Variants in TAC4 observed in about 807,000 individuals in gnomAD.
The protein encoded by TAC4 is tachykinin-4.
In TAC4, 17 loss-of-function variants were observed where a neutral mutation model predicts 17.7. The observed-to-expected ratio is 0.96, with a 90% CI of 0.66 to 1.44. The LOEUF is 1.44. TAC4 is among the 40% of genes most tolerant of loss of function. The pLI is 0.00. For missense variants in TAC4, 118 were observed against 125.6 expected (o/e 0.94, Z 0.29); for synonymous variants, 62 against 52.4 (o/e 1.18, Z -0.79).
At chr17:49,842,529 CA>C (rs200783888) in intron 2 of TAC4, among the ~76,000 whole-genome samples, 41 of 137,462 alleles carry the variant, frequency 3.0e-4, no homozygotes, top group Non-Finnish European at 2.7e-4. Context: ...GACTCCATCT[CA>C]AAAAAAAAAA....
At position 49,841,526 on chromosome 17, in the gene TAC4, T is replaced by G. The variant is rs201897380; in HGVS notation, c.232+26A>C. On this transcript the variant is annotated intron_variant, in intron 3 of 4. Transcript: ENST00000436235. ...ACTCAGCCCTCCCTAGGGGGCATGT[T>G]GAAGGCAGGTTTGGGCAATACTTAC... 291 of 1,564,844 alleles carry G rather than the reference T, an allele frequency of 1.9e-4. No individual in the cohort carries two copies. The African/African-American group carries it at 3.5e-3, about 19-fold the overall frequency.
At chr17:49,841,901 CTT>C (rs1161302297) in intron 2 of TAC4, among the ~76,000 whole-genome samples, 254 of 99,104 alleles carry the variant, frequency 2.6e-3, no homozygotes, top group African/African-American at 9.1e-3. Context: ...GAGATTTAAT[CTT>C]TTTTTTTTTT....
At chr17:49,843,166 C>T (rs763872730) in intron 2 of TAC4, among the ~76,000 whole-genome samples, 3 of 152,178 alleles carry the variant, frequency 2.0e-5, no homozygotes, top group African/African-American at 2.4e-5. Flanking sequence ...CGAACGTGTC[C>T]TCCAAATAGA....
At chr17:49,846,172 A>G in intron 1 of TAC4, 3 of 1,286,038 alleles carry the variant, frequency 2.3e-6, no homozygotes, top group Non-Finnish European at 2.0e-6. Flanking sequence ...GGAGCCCTCC[A>G]TATCCATTTA....
At chr17:49,841,525 T>G in intron 3 of TAC4, 27 bp downstream of exon 3, 1 of 1,564,298 alleles carries the variant, frequency 6.4e-7, no homozygotes. Context: ...AGGGGGCATG[T>G]TGAAGGCAGG....
chr17:49,846,391 C>T, intron 1 of TAC4: 1 of 462,634 alleles, frequency 2.2e-6, no homozygotes, highest in Non-Finnish European at 3.6e-6. Context: ...ATCCTCCCGC[C>T]TCAGCCTTTT....
Position 49,842,889 on chromosome 17 carries a change from TC to T in TAC4, c.199+1174del, listed in dbSNP as rs1460486691. The stretch of plus-strand genomic sequence containing the variant: ...GAATATTGATCTGTAACATGCTTTT[TC>T]CCACTTAACCATGTATCTTGGAGAT... On this transcript the variant is annotated intron_variant, in intron 2 of 4. Transcript: ENST00000436235. Among the ~76,000 whole-genome samples, 10 of 152,376 alleles carry T rather than the reference TC, an allele frequency of 6.6e-5. No homozygotes were observed. The East Asian group carries it at 1.9e-3, about 29-fold the overall frequency.
Position 49,838,505 on chromosome 17 carries a change from G to A in TAC4, c.*137C>T. ...TCCAGGAAGAAGCCCAGTGGGTTCAGTGTGGGCCTTGTGTGAAGTGCCAGC... is the reference window on the plus strand; with the variant it reads ...TCCAGGAAGAAGCCCAGTGGGTTCAATGTGGGCCTTGTGTGAAGTGCCAGC... On this transcript the variant is annotated 3_prime_UTR_variant, in exon 5 of 5. Coordinates refer to ENST00000436235, the MANE Select transcript of TAC4 (RefSeq NM_001077506.2). 3 of 1,039,670 alleles carry A rather than the reference G, an allele frequency of 2.9e-6. No homozygotes were observed. Among genetic ancestry groups the A allele is most frequent in the East Asian group, 2.4e-5 (1 of 41,216 alleles). 64.4% of individuals were successfully genotyped at this position (1,039,670 alleles called of 1,614,324 possible). A position where few individuals can be genotyped will look rare whatever the true frequency, so the allele number is the denominator to read the frequency against.
chr17:49,847,678 CACACACACACACAG>C (rs1051724136), intron 1 of TAC4: 7 of 510,188 alleles, frequency 1.4e-5, no homozygotes, highest in East Asian at 3.6e-5. Flanking sequence ...CTTACACACA[CACACACACACACAG>C]ACACACACAC....
At chr17:49,846,103 G>T in intron 1 of TAC4, 1 of 750,080 alleles carries the variant, frequency 1.3e-6, no homozygotes, top group Non-Finnish European at 1.9e-6. Flanking sequence ...GTGCCTGGTG[G>T]GGGGGCATTC....
chr17:49,843,909 T>G (rs771069237), intron 2 of TAC4, 155 bp downstream of exon 2: 1 of 684,186 alleles, frequency 1.5e-6, no homozygotes, highest in Admixed American at 2.1e-5. Flanking sequence ...TGATAATTCC[T>G]ATGGACAGTC....
intron 3 of TAC4, among the ~76,000 whole-genome samples, chr17:49,840,572 G>A (rs2074489397): frequency 6.6e-6 from 1 of 151,922 alleles, no homozygotes; most frequent in African/African-American, 2.4e-5. Context: ...GCGTGATCTC[G>A]GCTCACTGCA....
At chr17:49,844,893 G>A (rs1041252058) in intron 1 of TAC4, among the ~76,000 whole-genome samples, 1 of 152,210 alleles carries the variant, frequency 6.6e-6, no homozygotes, top group African/African-American at 2.4e-5. Context: ...ATAACTAGTA[G>A]AAACTATGAT....
At chr17:49,847,175 A>T (rs2074548339) in intron 1 of TAC4, 1 of 1,289,842 alleles carries the variant, frequency 7.8e-7, no homozygotes, top group Non-Finnish European at 1.0e-6. Context: ...GAATGGGAGG[A>T]GTCAGGCCCA....
At chr17:49,838,786 C>G (rs1187829898) in intron 4 of TAC4, 113 bp from the exon 5 acceptor site, 1 of 1,063,364 alleles carries the variant, frequency 9.4e-7, no homozygotes, top group East Asian at 2.5e-5. Context: ...TAACCCCTCT[C>G]TCCTTTCTGG....
rs965725312 is a variant in TAC4 at position 49,840,659 on chromosome 17, C to T, written c.233-750G>A. Among the ~76,000 whole-genome samples, 8 of 152,026 alleles carry T rather than the reference C, an allele frequency of 5.3e-5. No homozygotes were observed. The East Asian group carries it at 1.4e-3, about 26-fold the overall frequency. On this transcript the variant is annotated intron_variant, in intron 3 of 4. Transcript: ENST00000436235. ...CTGGGATGACAGGCACCCGCCACCACACCGGACTAATTTTTATATTTTTAG... is the reference window on the plus strand; with the variant it reads ...CTGGGATGACAGGCACCCGCCACCATACCGGACTAATTTTTATATTTTTAG...
chr17:49,840,131 A>G (rs1350391693), intron 3 of TAC4, among the ~76,000 whole-genome samples: 3 of 152,154 alleles, frequency 2.0e-5, no homozygotes, highest in African/African-American at 7.2e-5. Flanking sequence ...CCCCTCCTCC[A>G]TTCTCCCTCT....
At position 49,838,679 on chromosome 17, in the gene TAC4, G is replaced by GA. The variant is rs767671913; in HGVS notation, c.293-7dup. The GA allele has an allele frequency of 6.2e-7, 1 of 1,613,252 alleles. No individual in the cohort carries two copies. Among genetic ancestry groups the GA allele is most frequent in the East Asian group, 2.2e-5 (1 of 44,790 alleles). ...TTGGGCCTCATCCTCTCTGCCTGGG[G>GA]AGAGTTTGGTATATGAACCATGGTT... On this transcript the variant is annotated splice_region_variant and splice_polypyrimidine_tract_variant and intron_variant, in intron 4 of 4. Transcript: ENST00000436235.
rs771153032 is a variant in TAC4, at chr17:49,844,175, T to TA, written c.106-19dup. 19 of 1,613,122 alleles carry TA rather than the reference T, an allele frequency of 1.2e-5. 1 individual carries two copies. In the South Asian group the frequency reaches 1.9e-4, roughly 16 times the overall value. On this transcript the variant is annotated intron_variant, in intron 1 of 4. Transcript: ENST00000436235. ...GCGCCTTCCTGAAGAAGCAGAGAGT[T>TA]AGTGTTAGAGTTGGGAGGTTGTCCA...
Sources: allele counts gnomAD v4.1 joint callset (sites outside exome capture counted in the v4.1 genomes callset), GRCh38; gene constraint gnomAD v4.1.1; transcripts MANE v1.5; gene names NCBI Gene and HGNC (gene_info 2026-07-23, HGNC 2026-07-21).